METTL15: variants seen among roughly 807,000 people sequenced by gnomAD.
METTL15 encodes 12S rRNA N(4)-cytidine methyltransferase METTL15.
Under a neutral mutation model 38.3 loss-of-function variants are expected in METTL15, and 34 were observed. The ratio of observed to expected loss-of-function variants is 0.89; its 90% CI spans 0.68 to 1.18. METTL15 has a LOEUF of 1.18. METTL15 is among the 50% of genes most tolerant of loss of function. METTL15 has a pLI of 0.00. For missense variants in METTL15, 438 were observed against 498.4 expected (o/e 0.88, Z 1.15); for synonymous variants, 162 against 170.9 (o/e 0.95, Z 0.41).
intron 6 of METTL15, among the ~76,000 whole-genome samples, chr11:28,428,106 T>C (rs1348862294): frequency 6.6e-6 from 1 of 152,212 alleles, no homozygotes; most frequent in African/African-American, 2.4e-5. Flanking sequence ...GATACATTTC[T>C]ATAAATGTGT....
intron 3 of METTL15, among the ~76,000 whole-genome samples, chr11:28,123,071 T>C (rs11600270): frequency 0.15 from 22,531 of 152,110 alleles, 1,829 homozygotes; most frequent in East Asian, 0.28. Context: ...GAGCCATTCT[T>C]CTGGTTCAGG....
At chr11:28,144,411 T>A (rs1301755102) in intron 3 of METTL15, among the ~76,000 whole-genome samples, 3 of 152,152 alleles carry the variant, frequency 2.0e-5, no homozygotes. Context: ...AGTCTTAGAA[T>A]TACTCATACT....
intron 3 of METTL15, among the ~76,000 whole-genome samples, chr11:28,129,407 C>CTTTTTTT (rs71449170): frequency 2.1e-5 from 3 of 143,772 alleles, no homozygotes; most frequent in Admixed American, 6.9e-5. Flanking sequence ...TATAAAATTA[C>CTTTTTTT]TTTTTTTTTT....
At chr11:28,348,160 G>A (rs913530702) in intron 3 of METTL15, among the ~76,000 whole-genome samples, 19 of 152,302 alleles carry the variant, frequency 1.2e-4, no homozygotes, top group African/African-American at 4.3e-4. Context: ...TTAAAAAAAT[G>A]TTTTGAATGG....
intron 6 of METTL15, among the ~76,000 whole-genome samples, chr11:28,430,759 G>A (rs1308626392): frequency 2.3e-4 from 26 of 111,620 alleles, no homozygotes; most frequent in East Asian, 1.2e-3. Flanking sequence ...CAGCCGCCCC[G>A]TCTGGGAGGT....
At chr11:28,437,231 G>A (rs1398422987) in intron 6 of METTL15, among the ~76,000 whole-genome samples, 3 of 152,170 alleles carry the variant, frequency 2.0e-5, no homozygotes, top group Non-Finnish European at 4.4e-5. Context: ...ATGGCCTATT[G>A]TGGGACTTCA....
intron 3 of METTL15, among the ~76,000 whole-genome samples, chr11:28,171,240 T>G (rs755933673): frequency 1.3e-5 from 2 of 152,168 alleles, no homozygotes; most frequent in Non-Finnish European, 2.9e-5. Context: ...GCATGGTAGT[T>G]GAAGTGTCAT....
At position 28,467,060 on chromosome 11, in the gene METTL15, C is replaced by G. The variant is rs558779462; in HGVS notation, c.*424+42696C>G. Among the ~76,000 whole-genome samples, 45 of 152,270 alleles carry G rather than the reference C, an allele frequency of 3.0e-4. No homozygotes were observed. In the South Asian group the frequency reaches 8.7e-3, roughly 29 times the overall value. The stretch of plus-strand genomic sequence containing the variant: ...TCCCAGATTCTGGCATGCTGCCTTT[C>G]GGGATCTCCCTACATATCGTTTTAA... On this transcript the variant is annotated intron_variant and NMD_transcript_variant, in intron 6 of 7. Transcript: ENST00000532947.
At chr11:28,290,172 A>T in intron 4 of METTL15, 34 bp from the exon 5 acceptor site, 1 of 1,549,874 alleles carries the variant, frequency 6.5e-7, no homozygotes, top group African/African-American at 1.4e-5. Context: ...AATCTAACAG[A>T]AGTGTTTTCT....
chr11:28,290,084 C>A, intron 4 of METTL15, 122 bp from the exon 5 acceptor site: 1 of 835,634 alleles, frequency 1.2e-6, no homozygotes, highest in Non-Finnish European at 1.8e-6. Context: ...ACTAAGCACT[C>A]AATAAATATA....
intron 3 of METTL15, among the ~76,000 whole-genome samples, chr11:28,172,368 T>A (rs1026493014): frequency 6.6e-6 from 1 of 152,196 alleles, no homozygotes; most frequent in Non-Finnish European, 1.5e-5. Context: ...AGAGTCAATA[T>A]GTTTTTATTT....
chr11:28,123,223 G>A (rs1852327500), intron 3 of METTL15, among the ~76,000 whole-genome samples: 1 of 152,098 alleles, frequency 6.6e-6, no homozygotes, highest in African/African-American at 2.4e-5. Context: ...CTCTAGGTCA[G>A]CATTAGTCCC....
intron 4 of METTL15, among the ~76,000 whole-genome samples, chr11:28,243,457 T>G (rs1314192392): frequency 4.6e-5 from 7 of 152,318 alleles, no homozygotes; most frequent in African/African-American, 1.7e-4. Flanking sequence ...CTGAAGGCCC[T>G]TTTATCTTCC....
chr11:28,509,793 T>C (rs1851659630), intron 6 of METTL15, among the ~76,000 whole-genome samples: 1 of 152,020 alleles, frequency 6.6e-6, no homozygotes, highest in African/African-American at 2.4e-5. Flanking sequence ...TAAGGGAGAG[T>C]GTGTTATGGG....
At chr11:28,209,706 G>A (rs915383672) in intron 3 of METTL15, among the ~76,000 whole-genome samples, 1 of 151,926 alleles carries the variant, frequency 6.6e-6, no homozygotes, top group Non-Finnish European at 1.5e-5. Context: ...ATCAGCGGAT[G>A]GGACTTAGCA....
intron 6 of METTL15, among the ~76,000 whole-genome samples, chr11:28,427,971 G>A (rs1850880506): frequency 6.6e-6 from 1 of 152,196 alleles, no homozygotes; most frequent in Admixed American, 6.5e-5. Flanking sequence ...GGAGTGATGA[G>A]AGAGAGCATC....
At chr11:28,130,229 C>T (rs367971720) in intron 3 of METTL15, among the ~76,000 whole-genome samples, 1 of 152,084 alleles carries the variant, frequency 6.6e-6, no homozygotes, top group African/African-American at 2.4e-5. Flanking sequence ...GAGGATCACA[C>T]GAGCCCTGGA....
intron 4 of METTL15, among the ~76,000 whole-genome samples, chr11:28,213,775 C>T (rs1852744487): frequency 6.6e-6 from 1 of 151,666 alleles, no homozygotes. Context: ...CCTGCCTCAG[C>T]CTCCCGAGTA....
At chr11:28,162,029 G>T (rs528845011) in intron 3 of METTL15, among the ~76,000 whole-genome samples, 1 of 152,108 alleles carries the variant, frequency 6.6e-6, no homozygotes, top group Non-Finnish European at 1.5e-5. Context: ...ACCGGGCACT[G>T]TTCCTCTTTT....
Sources: allele counts gnomAD v4.1 joint callset (sites outside exome capture counted in the v4.1 genomes callset), GRCh38; gene constraint gnomAD v4.1.1; transcripts MANE v1.5; gene names NCBI Gene and HGNC (gene_info 2026-07-23, HGNC 2026-07-21).